Variants in EYS observed in about 807,000 individuals in gnomAD.
EYS encodes the protein protein eyes shut homolog.
A neutral mutation model predicts 282.1 loss-of-function variants in EYS; 250 were observed. The observed-to-expected ratio is 0.89, with a 90% CI of 0.80 to 0.98. The LOEUF (loss-of-function observed/expected upper bound fraction) is 0.98. Among genes scored for constraint, EYS ranks in the 50% least tolerant of loss-of-function variants. The pLI is 0.00. For synonymous variants in EYS, 1,355 were observed against 1,282.9 expected (o/e 1.06, Z -1.20); for missense variants, 4,016 against 3,709.0 (o/e 1.08, Z -2.15).
At chr6:65,106,089 T>C (rs1241284801) in intron 12 of EYS, among the ~76,000 whole-genome samples, 1 of 151,956 alleles carries the variant, frequency 6.6e-6, no homozygotes, top group East Asian at 1.9e-4. Context: ...ACTTACTCAG[T>C]AAATTCTGGA....
intron 13 of EYS, among the ~76,000 whole-genome samples, chr6:65,023,706 G>C (rs777737387): frequency 6.6e-6 from 1 of 152,212 alleles, no homozygotes; most frequent in African/African-American, 2.4e-5. Context: ...TCCATAGACA[G>C]AGGAGACTCG....
At chr6:65,673,978 A>C (rs1486614482) in intron 1 of EYS, among the ~76,000 whole-genome samples, 1 of 152,046 alleles carries the variant, frequency 6.6e-6, no homozygotes, top group South Asian at 2.1e-4. Context: ...CAAAACTAAT[A>C]AAAATAAACA....
At chr6:64,634,989 T>C (rs1283893729) in intron 22 of EYS, among the ~76,000 whole-genome samples, 3 of 152,204 alleles carry the variant, frequency 2.0e-5, no homozygotes, top group Non-Finnish European at 4.4e-5. Flanking sequence ...TGTATCCTCT[T>C]TTATTTCATT....
At chr6:65,196,772 T>C (rs1183524377) in intron 12 of EYS, among the ~76,000 whole-genome samples, 3 of 152,082 alleles carry the variant, frequency 2.0e-5, no homozygotes, top group Non-Finnish European at 4.4e-5. Context: ...TTACAAATTA[T>C]CTCTCTGTCA....
intron 31 of EYS, among the ~76,000 whole-genome samples, chr6:64,211,155 TCTC>T (rs1365967137): frequency 5.9e-5 from 9 of 152,118 alleles, no homozygotes; most frequent in African/African-American, 1.7e-4. Flanking sequence ...CTCTAATTAA[TCTC>T]CTCTAATCTA....
At chr6:65,639,196 G>T (rs1433090065) in intron 2 of EYS, among the ~76,000 whole-genome samples, 1 of 152,090 alleles carries the variant, frequency 6.6e-6, no homozygotes, top group Non-Finnish European at 1.5e-5. Flanking sequence ...GTATGATTAA[G>T]ATAATATCAA....
intron 12 of EYS, among the ~76,000 whole-genome samples, chr6:65,221,984 G>A (rs1442370774): frequency 6.6e-6 from 1 of 152,046 alleles, no homozygotes; most frequent in Non-Finnish European, 1.5e-5. Context: ...CCTTCCTTTT[G>A]GCCAATTTCT....
At chr6:64,871,390 C>T (rs1766592735) in intron 19 of EYS, among the ~76,000 whole-genome samples, 1 of 151,502 alleles carries the variant, frequency 6.6e-6, no homozygotes, top group East Asian at 1.9e-4. Context: ...CTTAATATCC[C>T]TTTTGAAAAG....
chr6:65,094,696 C>G (rs940860131), intron 12 of EYS, among the ~76,000 whole-genome samples: 4 of 150,612 alleles, frequency 2.7e-5, no homozygotes, highest in African/African-American at 9.7e-5. Context: ...AAAATTAAAC[C>G]AACAGAAAAA....
chr6:63,954,567 A>G (rs1765731788), intron 35 of EYS, among the ~76,000 whole-genome samples: 1 of 152,160 alleles, frequency 6.6e-6, no homozygotes, highest in Non-Finnish European at 1.5e-5. Context: ...AGGAAGTGGG[A>G]GTCATTCACT....
chr6:64,025,770 A>G (rs1323870860), intron 33 of EYS, among the ~76,000 whole-genome samples: 1 of 152,164 alleles, frequency 6.6e-6, no homozygotes, highest in African/African-American at 2.4e-5. Context: ...AGTGAAGACA[A>G]AAGGTGTCAC....
intron 41 of EYS, among the ~76,000 whole-genome samples, chr6:63,730,493 C>T (rs1768755017): frequency 6.6e-6 from 1 of 152,180 alleles, no homozygotes. Flanking sequence ...GCATATGGTG[C>T]ACTGCATAAC....
chr6:65,216,130 G>A (rs1432602398), intron 12 of EYS, among the ~76,000 whole-genome samples: 3 of 151,958 alleles, frequency 2.0e-5, no homozygotes, highest in African/African-American at 4.8e-5. Flanking sequence ...AAATAAATGT[G>A]GCAAATGTTC....
chr6:64,402,680 G>T (rs919086442), intron 28 of EYS, among the ~76,000 whole-genome samples: 6 of 152,160 alleles, frequency 3.9e-5, no homozygotes, highest in African/African-American at 1.2e-4. Context: ...ATTGAACAAA[G>T]ATTAGCTAAA....
rs118001200 is a variant in EYS, at chr6:64,898,152, G to A, written c.2846+3961C>T. ...AAAAGCAACCCCAAGGCACATAATC[G>A]TCATGTTCACCAAGGCTGAAATGAA... On this transcript the variant is annotated intron_variant, in intron 18 of 42. Coordinates refer to ENST00000503581, the MANE Select transcript of EYS (RefSeq NM_001142800.2). 2.7e-4 allele frequency among the ~76,000 whole-genome samples: 41 copies of A among 152,160 alleles called. 1 individual carries two copies. The East Asian group carries it at 7.2e-3, about 27-fold the overall frequency.
rs142508584 is a variant in EYS, at chr6:65,048,167, C to G, written c.2137+9447G>C. On this transcript the variant is annotated intron_variant, in intron 13 of 42. Transcript: ENST00000503581. ...TGATAAACAAATCTTGCTTTTGTCT[C>G]ACGTTCCCCCTATTTAGCCTCGTTT... 7.4e-4 allele frequency among the ~76,000 whole-genome samples: 112 copies of G among 151,952 alleles called. 1 individual carries two copies. The highest frequency in any genetic ancestry group is 3.4e-3 in the Middle Eastern group (1 of 294).
chr6:64,730,629 C>A (rs911640654), intron 22 of EYS, among the ~76,000 whole-genome samples: 67 of 152,222 alleles, frequency 4.4e-4, no homozygotes, highest in African/African-American at 1.5e-3. Flanking sequence ...AGGCACGCAC[C>A]ACCATGCCCA....
At chr6:65,207,834 T>C (rs1766074573) in intron 12 of EYS, among the ~76,000 whole-genome samples, 1 of 151,626 alleles carries the variant, frequency 6.6e-6, no homozygotes. Context: ...CGTATAACAA[T>C]GAAACTGGAC....
intron 12 of EYS, among the ~76,000 whole-genome samples, chr6:65,117,610 G>T (rs2150193410): frequency 6.6e-6 from 1 of 152,276 alleles, no homozygotes; most frequent in East Asian, 1.9e-4. Context: ...TAGACTAGCT[G>T]ATTTGAGGAC....
Sources: allele counts gnomAD v4.1 joint callset (sites outside exome capture counted in the v4.1 genomes callset), GRCh38; gene constraint gnomAD v4.1.1; transcripts MANE v1.5; gene names NCBI Gene and HGNC (gene_info 2026-07-23, HGNC 2026-07-21).